Variants in ONECUT3 observed in about 807,000 individuals in gnomAD.
The protein encoded by ONECUT3 is one cut domain family member 3.
A neutral mutation model predicts 16.8 loss-of-function variants in ONECUT3; 11 were observed. The observed-to-expected ratio is 0.66, with a 90% CI of 0.41 to 1.09. The LOEUF is 1.09. Ranked by LOEUF, ONECUT3 falls within the 50% of genes least tolerant of loss-of-function variation. ONECUT3 has a pLI of 0.00. For missense variants in ONECUT3, 637 were observed against 629.9 expected, an observed-to-expected ratio of 1.01 and a Z score of -0.12; for synonymous variants, 344 against 310.7, an observed-to-expected ratio of 1.11 and a Z score of -1.13.
At chr19:1,767,774 G>A (rs1171203551) in intron 1 of ONECUT3, among the ~76,000 whole-genome samples, 1 of 152,250 alleles carries the variant, frequency 6.6e-6, no homozygotes, top group Non-Finnish European at 1.5e-5. Context: ...GGCCCAGGAC[G>A]GTGCCCTGGG....
intron 1 of ONECUT3, among the ~76,000 whole-genome samples, chr19:1,773,865 G>C (rs2068079877): frequency 6.6e-6 from 1 of 152,218 alleles, no homozygotes. Flanking sequence ...ATTGAGGGGA[G>C]GGGTTCACTT....
At position 1,763,155 on chromosome 19, in the gene ONECUT3, G is replaced by T. The variant is rs1208343547; in HGVS notation, c.1192+8301G>T. ...GAGGTGGGTAGATCATCTGAGGCCA[G>T]GAGTTCGAGACCAGCCTGGCCAACA... On this transcript the variant is annotated intron_variant, in intron 1 of 1. Transcript: ENST00000382349. Among the ~76,000 whole-genome samples, 8 of 152,048 alleles carry T rather than the reference G, an allele frequency of 5.3e-5. No homozygotes were observed. In the East Asian group the frequency reaches 1.4e-3, roughly 26 times the overall value.
At chr19:1,757,141 G>T (rs564968326) in intron 1 of ONECUT3, among the ~76,000 whole-genome samples, 20 of 149,912 alleles carry the variant, frequency 1.3e-4, no homozygotes, top group Non-Finnish European at 2.1e-4. Flanking sequence ...ATGGGGGGGG[G>T]GTGGGCTCCC....
rs2067997851 is a variant in ONECUT3, at chr19:1,766,993, C to T, written c.1193-8160C>T. On this transcript the variant is annotated intron_variant, in intron 1 of 1. Transcript: ENST00000382349. The surrounding 1 kb of genome is among the most constrained non-coding windows in gnomAD (Gnocchi z 4.0). ...CCCAGAGGAGGGGCCCCGGGCTCCGCTGCGGGGGGAGGGAGGGACTTCCTG... is the reference window on the plus strand; with the variant it reads ...CCCAGAGGAGGGGCCCCGGGCTCCGTTGCGGGGGGAGGGAGGGACTTCCTG... Among the ~76,000 whole-genome samples, 1 of 150,254 alleles carries T rather than the reference C, an allele frequency of 6.7e-6. No homozygotes were observed. The highest frequency in any genetic ancestry group is 6.6e-5 in the Admixed American group (1 of 15,158).
In ONECUT3 at chr19:1,766,981, C is replaced by T. The variant is rs1170807284; in HGVS notation, c.1193-8172C>T. Among the ~76,000 whole-genome samples, 16 of 151,646 alleles carry T rather than the reference C, an allele frequency of 1.1e-4. No individual in the cohort carries two copies. The South Asian group carries it at 3.1e-3, about 30-fold the overall frequency. ...GCCCCTGGGAGTCCCAGAGGAGGGG[C>T]CCCGGGCTCCGCTGCGGGGGGAGGG... On this transcript the variant is annotated intron_variant, in intron 1 of 1. Transcript: ENST00000382349. The surrounding 1 kb of genome is among the most constrained non-coding windows in gnomAD (Gnocchi z 4.0).
rs2068113667 is a variant in ONECUT3, at chr19:1,776,861, T to A, written c.*1416T>A. The stretch of plus-strand genomic sequence containing the variant: ...TGAAATGCCCCTCCCCTCCCCCAGG[T>A]AAAGGCTACCTCACTCAAGCTCATG... On this transcript the variant is annotated 3_prime_UTR_variant, in exon 2 of 2. Transcript: ENST00000382349. This position sits in a 1 kb window ranked among gnomAD's most constrained non-coding sequence, Gnocchi z 4.9. The A allele has an allele frequency of 6.8e-6, 1 of 147,868 alleles. No individual in the cohort carries two copies. Among genetic ancestry groups the A allele is most frequent in the South Asian group, 2.2e-4 (1 of 4,526 alleles). The allele number at this position is 147,868 out of a possible 1,614,324, so 9.2% of individuals were successfully genotyped here.
chr19:1,765,974 C>A (rs1186146668), intron 1 of ONECUT3, among the ~76,000 whole-genome samples: 1 of 152,262 alleles, frequency 6.6e-6, no homozygotes, highest in Non-Finnish European at 1.5e-5. Flanking sequence ...ACACCGCGAG[C>A]CAGCTGCATC....
rs1397698781 is a variant in ONECUT3, at chr19:1,758,688, T to TC, written c.1192+3837dup. 6.7e-6 allele frequency among the ~76,000 whole-genome samples: 1 copy of TC among 148,482 alleles called. No homozygotes were observed. Among genetic ancestry groups the TC allele is most frequent in the Non-Finnish European group, 1.5e-5 (1 of 66,928 alleles). ...TACCCCCACCCCATGGTCCTCCGAG[T>TC]CCCGCACTTCGGAGCTGCCTCCTGG... On this transcript the variant is annotated intron_variant, in intron 1 of 1. Coordinates refer to ENST00000382349, the MANE Select transcript of ONECUT3 (RefSeq NM_001080488.2). This position sits in a 1 kb window ranked among gnomAD's most constrained non-coding sequence, Gnocchi z 5.9.
chr19:1,769,764 G>C lies in ONECUT3; in HGVS notation c.1193-5389G>C, dbSNP rs1259236652. ...CGCGGTAAACAGCTCCGACTGGATCGATCTGGGCTGTGAGGAGCTGTAATT... is the reference window on the plus strand; with the variant it reads ...CGCGGTAAACAGCTCCGACTGGATCCATCTGGGCTGTGAGGAGCTGTAATT... On this transcript the variant is annotated intron_variant, in intron 1 of 1. Transcript: ENST00000382349. Among the ~76,000 whole-genome samples the C allele has an allele frequency of 5.3e-5, 8 of 152,242 alleles. No homozygotes were observed. The East Asian group carries it at 1.4e-3, about 26-fold the overall frequency.
chr19:1,754,232 G>T lies in ONECUT3; in HGVS notation c.570G>T (p.Lys190Asn). 1.8e-6 allele frequency: 2 copies of T among 1,086,288 alleles called. No homozygotes were observed. Among genetic ancestry groups the T allele is most frequent in the Non-Finnish European group, 2.2e-6 (2 of 894,718 alleles). The allele number at this position is 1,086,288 out of a possible 1,614,324, so 67.3% of individuals were successfully genotyped here. A position where few individuals can be genotyped will look rare whatever the true frequency, so the allele number is the denominator to read the frequency against. ...GCCACCTCTACGGACCCTACGGCAA[G>T]GAGCTGCCCGCCATGGGGTCGCCGC... ...SVGHLYGPYG[K>N]ELPAMGSPLS... The change falls in exon 1 of 2, where the codon AAG becomes AAT. Residue 190 changes from lysine to asparagine, a missense_variant. By Grantham distance (94) the Lys-to-Asn change is moderately conservative. This residue lies in a region of ONECUT3 where 419 missense variants were observed against 377.9 expected (regional missense o/e 1.11). Coordinates refer to ENST00000382349, the MANE Select transcript of ONECUT3 (RefSeq NM_001080488.2). This position sits in a 1 kb window ranked among gnomAD's most constrained non-coding sequence, Gnocchi z 7.4.
Position 1,762,602 on chromosome 19 carries a change from C to G in ONECUT3, c.1192+7748C>G, listed in dbSNP as rs1048672144. On this transcript the variant is annotated intron_variant, in intron 1 of 1. Transcript: ENST00000382349. The surrounding 1 kb of genome is among the most constrained non-coding windows in gnomAD (Gnocchi z 4.4). Reference sequence around the variant, plus strand: ...CAGAGCGCGCCCGGCCCCCAACAGCCTGACAGGACCTGGACGCACGTGCCC... The same window carrying G: ...CAGAGCGCGCCCGGCCCCCAACAGCGTGACAGGACCTGGACGCACGTGCCC... Among the ~76,000 whole-genome samples, 7 of 152,242 alleles carry G rather than the reference C, an allele frequency of 4.6e-5. No homozygotes were observed. Among genetic ancestry groups the G allele is most frequent in the Non-Finnish European group, 1.0e-4 (7 of 68,036 alleles).
intron 1 of ONECUT3, among the ~76,000 whole-genome samples, chr19:1,761,749 C>T (rs2067947506): frequency 6.6e-6 from 1 of 152,142 alleles, no homozygotes; most frequent in Non-Finnish European, 1.5e-5. Context: ...CCAGGGAGAC[C>T]CACCTGACCT....
Position 1,754,299 on chromosome 19 carries a change from G to A in ONECUT3, c.637G>A (p.Ala213Thr), listed in dbSNP as rs2041369453. The change falls in exon 1 of 2, where the codon GCC (alanine) becomes ACC (threonine). Residue 213 changes from alanine to threonine, a missense_variant. Physicochemically the swap from Ala to Thr is moderately conservative, Grantham distance 58. This residue lies in a region of ONECUT3 where 419 missense variants were observed against 377.9 expected (regional missense o/e 1.11). Coordinates refer to ENST00000382349, the MANE Select transcript of ONECUT3 (RefSeq NM_001080488.2). The surrounding 1 kb of genome is among the most constrained non-coding windows in gnomAD (Gnocchi z 7.4). The part of the protein sequence containing the change: ...PNALPPALHG[A>T]PQPPPPPPPP... ...CGCGCTGCCGCCCGCGCTGCACGGC[G>A]CCCCGCAGCCCCCGCCGCCGCCACC... The A allele has an allele frequency of 1.9e-6, 2 of 1,051,906 alleles. No individual in the cohort carries two copies. Among genetic ancestry groups the A allele is most frequent in the South Asian group, 8.4e-5 (2 of 23,676 alleles). 65.2% of individuals were successfully genotyped at this position (1,051,906 alleles called of 1,614,324 possible).
rs535941520 is a variant in ONECUT3 at position 1,754,951 on chromosome 19, C to G, written c.1192+97C>G. On this transcript the variant is annotated intron_variant, in intron 1 of 1. Transcript: ENST00000382349. The surrounding 1 kb of genome is among the most constrained non-coding windows in gnomAD (Gnocchi z 7.4). The stretch of plus-strand genomic sequence containing the variant: ...CGGCCGATGCCCGGGGCCAGCGCCC[C>G]AAGCCCCGCCCGTGCGCCCCGGCAG... 5.8e-5 allele frequency: 74 copies of G among 1,267,592 alleles called. No homozygotes were observed. The African/African-American group carries it at 1.0e-3, about 18-fold the overall frequency. The allele number at this position is 1,267,592 out of a possible 1,614,324, so 78.5% of individuals were successfully genotyped here. A position where few individuals can be genotyped will look rare whatever the true frequency, so the allele number is the denominator to read the frequency against.
chr19:1,768,879 AGGTGGAGGT>A (rs1307570259), intron 1 of ONECUT3, among the ~76,000 whole-genome samples: 4 of 25,520 alleles, frequency 1.6e-4, no homozygotes, highest in African/African-American at 2.8e-4. Context: ...GCGGAGGTAG[AGGTGGAGGT>A]GGTGGAGGTG....
In ONECUT3 at chr19:1,766,608, GA is replaced by G. The variant is rs1172974855; in HGVS notation, c.1193-8544del. 6.6e-6 allele frequency among the ~76,000 whole-genome samples: 1 copy of G among 151,732 alleles called. No homozygotes were observed. Among genetic ancestry groups the G allele is most frequent in the East Asian group, 1.9e-4 (1 of 5,152 alleles). On this transcript the variant is annotated intron_variant, in intron 1 of 1. Transcript: ENST00000382349. The surrounding 1 kb of genome is among the most constrained non-coding windows in gnomAD (Gnocchi z 4.0). ...GGAAAAGGAGGGGTGAGGAGGAGGA[GA>G]GGGGATGGTCCCCTCTTGGAGGGTG... is the stretch of plus-strand genomic sequence containing the variant.
chr19:1,758,416 C>A lies in ONECUT3; in HGVS notation c.1192+3562C>A, dbSNP rs566494616. Among the ~76,000 whole-genome samples the A allele has an allele frequency of 3.5e-4, 53 of 152,142 alleles. No homozygotes were observed. The highest frequency in any genetic ancestry group is 1.2e-3 in the African/African-American group (51 of 41,496). Reference sequence around the variant, plus strand: ...CCCTCCCACAGCCCCCTCCTTCTTCCCCATGGGGTAGGACTTGGGAGAGGG... The same window carrying A: ...CCCTCCCACAGCCCCCTCCTTCTTCACCATGGGGTAGGACTTGGGAGAGGG... On this transcript the variant is annotated intron_variant, in intron 1 of 1. Transcript: ENST00000382349. The surrounding 1 kb of genome is among the most constrained non-coding windows in gnomAD (Gnocchi z 5.9).
intron 1 of ONECUT3, among the ~76,000 whole-genome samples, chr19:1,760,442 C>T (rs2067940738): frequency 6.6e-6 from 1 of 151,966 alleles, no homozygotes; most frequent in Non-Finnish European, 1.5e-5. Flanking sequence ...GGGGGTGGCA[C>T]TTTCCACGTT....
At chr19:1,774,580 T>C (rs1001131783) in intron 1 of ONECUT3, among the ~76,000 whole-genome samples, 24 of 152,114 alleles carry the variant, frequency 1.6e-4, no homozygotes, top group African/African-American at 5.3e-4. Context: ...TTCCATGTCA[T>C]TTCCCCAACA....
Sources: allele counts gnomAD v4.1 joint callset (sites outside exome capture counted in the v4.1 genomes callset), GRCh38; gene constraint gnomAD v4.1.1; regional missense constraint gnomAD v4.1.1; non-coding constraint Gnocchi (gnomAD v3.1); transcripts MANE v1.5; gene names NCBI Gene and HGNC (gene_info 2026-07-23, HGNC 2026-07-21).